The following UNC5C variants were observed in gnomAD, a reference collection of about 807,000 sequenced individuals.
The protein encoded by UNC5C is netrin receptor UNC5C.
In UNC5C, 47 loss-of-function variants were observed where a neutral mutation model predicts 99.8. The observed-to-expected ratio is 0.47, with a 90% confidence interval of 0.37 to 0.60. The LOEUF (loss-of-function observed/expected upper bound fraction) is 0.60, where lower values mean the gene tolerates loss of function less well. UNC5C is among the 20% of genes least tolerant of loss of function. UNC5C has a pLI of 0.00. For missense variants in UNC5C, 1,062 were observed against 1,165.9 expected, an observed-to-expected ratio of 0.91 and a Z score of 1.30; for synonymous variants, 487 against 452.2, an observed-to-expected ratio of 1.08 and a Z score of -0.98.
At chr4:95,250,203 A>G (rs1352482007) in intron 5 of UNC5C, among the ~76,000 whole-genome samples, 1 of 152,134 alleles carries the variant, frequency 6.6e-6, no homozygotes, top group Admixed American at 6.5e-5. Flanking sequence ...GCAGCAAGCA[A>G]GCAGCGATGG....
chr4:95,347,841 T>G (rs557715649), intron 1 of UNC5C, among the ~76,000 whole-genome samples: 1 of 152,086 alleles, frequency 6.6e-6, no homozygotes, highest in South Asian at 2.1e-4. Flanking sequence ...TGCAGGACAT[T>G]GGGCTGGGCA....
At chr4:95,176,843 C>G (rs936001954) in intron 14 of UNC5C, among the ~76,000 whole-genome samples, 7 of 152,170 alleles carry the variant, frequency 4.6e-5, no homozygotes, top group African/African-American at 1.4e-4. Context: ...CCCCCAGCCT[C>G]GCTGCCGCCT....
chr4:95,448,031 A>G (rs1018752256), intron 1 of UNC5C, among the ~76,000 whole-genome samples: 2 of 152,078 alleles, frequency 1.3e-5, no homozygotes, highest in Non-Finnish European at 2.9e-5. Flanking sequence ...TTTCCAGCTA[A>G]TGTCCAGTTG....
intron 3 of UNC5C, among the ~76,000 whole-genome samples, chr4:95,281,856 AATTCTTTGCGGTACAGT>A (rs1741070879): frequency 6.6e-6 from 1 of 152,226 alleles, no homozygotes; most frequent in African/African-American, 2.4e-5. Context: ...GGGACTGGGT[AATTCTTTGCGGTACAGT>A]TGTTCTTTGC....
chr4:95,168,583 C>T lies in UNC5C; in HGVS notation c.*651G>A, dbSNP rs1051422203. The stretch of plus-strand genomic sequence containing the variant: ...CCAAAGGGCACCAGAAGGGTCCCTC[C>T]AAGGAATAGGAGTCTTAGTTATTTC... On this transcript the variant is annotated 3_prime_UTR_variant, in exon 16 of 16. Transcript: ENST00000453304. The T allele has an allele frequency of 6.6e-6, 1 of 152,620 alleles. No individual in the cohort carries two copies. The highest frequency in any genetic ancestry group is 2.4e-5 in the African/African-American group (1 of 41,446). 9.5% of individuals were successfully genotyped at this position (152,620 alleles called of 1,614,324 possible).
intron 1 of UNC5C, among the ~76,000 whole-genome samples, chr4:95,513,691 G>C (rs1722136311): frequency 6.6e-6 from 1 of 152,152 alleles, no homozygotes; most frequent in African/African-American, 2.4e-5. Flanking sequence ...AACAGGTGAA[G>C]GAGGGGCAGG....
At chr4:95,473,239 C>A (rs1016511123) in intron 1 of UNC5C, among the ~76,000 whole-genome samples, 2 of 152,094 alleles carry the variant, frequency 1.3e-5, no homozygotes, top group African/African-American at 4.8e-5. Flanking sequence ...ATATCTGCAA[C>A]CTGATTTTAA....
At chr4:95,519,356 C>T (rs1167097406) in intron 1 of UNC5C, among the ~76,000 whole-genome samples, 1 of 151,980 alleles carries the variant, frequency 6.6e-6, no homozygotes, top group African/African-American at 2.4e-5. Context: ...GCCATCACAC[C>T]ACTCTGATCA....
chr4:95,387,093 G>C (rs1745232154), intron 1 of UNC5C, among the ~76,000 whole-genome samples: 1 of 151,984 alleles, frequency 6.6e-6, no homozygotes, highest in Admixed American at 6.6e-5. Flanking sequence ...TCTTTGAAAT[G>C]GTGCCCTATT....
At chr4:95,209,050 CA>C (rs1251206403) in intron 10 of UNC5C, among the ~76,000 whole-genome samples, 1 of 152,140 alleles carries the variant, frequency 6.6e-6, no homozygotes, top group Admixed American at 6.5e-5. Flanking sequence ...ACTTCTGGAG[CA>C]AATGGCAGGC....
intron 2 of UNC5C, among the ~76,000 whole-genome samples, chr4:95,326,398 C>T (rs1742884738): frequency 6.6e-6 from 1 of 151,188 alleles, no homozygotes; most frequent in South Asian, 2.1e-4. Flanking sequence ...ACCATGGAAA[C>T]AAGAGTTGAA....
chr4:95,486,988 T>C (rs561572031), intron 1 of UNC5C, among the ~76,000 whole-genome samples: 5 of 151,840 alleles, frequency 3.3e-5, no homozygotes, highest in African/African-American at 1.2e-4. Flanking sequence ...CACACATTCA[T>C]ATCTTGCTCT....
At chr4:95,408,292 T>C (rs868383786) in intron 1 of UNC5C, among the ~76,000 whole-genome samples, 12 of 152,202 alleles carry the variant, frequency 7.9e-5, no homozygotes, top group African/African-American at 2.9e-4. Flanking sequence ...GAGACTTCTG[T>C]GAAATGAAAA....
chr4:95,379,021 A>C (rs528347810), intron 1 of UNC5C, among the ~76,000 whole-genome samples: 1 of 152,264 alleles, frequency 6.6e-6, no homozygotes, highest in South Asian at 2.1e-4. Context: ...GGAAGTAGGA[A>C]CTAAGCCCTC....
At chr4:95,255,137 G>A (rs1236257814) in intron 4 of UNC5C, among the ~76,000 whole-genome samples, 2 of 151,890 alleles carry the variant, frequency 1.3e-5, no homozygotes, top group African/African-American at 4.8e-5. Context: ...CCACCACCAT[G>A]CCAGGCTAAT....
intron 1 of UNC5C, among the ~76,000 whole-genome samples, chr4:95,545,488 C>T (rs1166504242): frequency 1.3e-5 from 2 of 151,904 alleles, no homozygotes; most frequent in African/African-American, 2.4e-5. Flanking sequence ...TCTATTTGTA[C>T]CACACCAATA....
chr4:95,528,644 G>A (rs1560495296), intron 1 of UNC5C, among the ~76,000 whole-genome samples: 1 of 152,148 alleles, frequency 6.6e-6, no homozygotes, highest in East Asian at 1.9e-4. Flanking sequence ...ATTTGGATTG[G>A]AGGCCCATTT....
chr4:95,376,151 T>G (rs1054866229), intron 1 of UNC5C, among the ~76,000 whole-genome samples: 1 of 152,084 alleles, frequency 6.6e-6, no homozygotes, highest in African/African-American at 2.4e-5. Context: ...TCCCTTGAGA[T>G]ATCTGTTCCT....
intron 1 of UNC5C, among the ~76,000 whole-genome samples, chr4:95,346,257 C>A (rs565413787): frequency 1.3e-5 from 2 of 151,824 alleles, no homozygotes; most frequent in African/African-American, 4.8e-5. Context: ...TCGAACAGAC[C>A]ATTAACAAGT....
Sources: gnomAD v4.1 joint callset for allele counts (sites outside exome capture counted in the v4.1 genomes callset) on GRCh38, gnomAD v4.1.1 for gene constraint, MANE v1.5 for transcripts, NCBI Gene and HGNC (gene_info 2026-07-23, HGNC 2026-07-21) for gene names.